The following TNRC6C variants were observed in gnomAD, a reference collection of about 807,000 sequenced individuals.
TNRC6C encodes the protein trinucleotide repeat-containing gene 6C protein.
A neutral mutation model predicts 153.7 loss-of-function variants in TNRC6C; 20 were observed. The observed-to-expected ratio is 0.13, with a 90% CI of 0.09 to 0.19. The LOEUF (loss-of-function observed/expected upper bound fraction) is 0.19. Among genes scored for constraint, TNRC6C ranks in the 10% least tolerant of loss-of-function variants. The probability of loss-of-function intolerance (pLI) is 1.00; values close to 1 mark genes in which losing one functional copy is unlikely to be tolerated. For missense variants in TNRC6C, 1,987 were observed against 2,172.0 expected, an observed-to-expected ratio of 0.91 and a Z score of 1.69; for synonymous variants, 811 against 841.4, an observed-to-expected ratio of 0.96 and a Z score of 0.63.
In TNRC6C at chr17:78,108,292, T is replaced by C. The variant is rs76171073; in HGVS notation, c.*3447T>C. 675 of 154,556 alleles carry C rather than the reference T, an allele frequency of 4.4e-3. 3 individuals are homozygous for C. The highest frequency in any genetic ancestry group is 0.015 in the African/African-American group (637 of 41,614). 9.6% of individuals were successfully genotyped at this position (154,556 alleles called of 1,614,324 possible). The stretch of plus-strand genomic sequence containing the variant: ...GGGGAAGGTGGTGTGCTGCTGGCTC[T>C]GACCATACTCTTTTGGAAATTGAGA... On this transcript the variant is annotated 3_prime_UTR_variant, in exon 20 of 20. Coordinates refer to ENST00000301624, the Ensembl canonical transcript of TNRC6C.
At chr17:78,089,988 G>C (rs781126271) in intron 13 of TNRC6C, among the ~76,000 whole-genome samples, 1 of 152,190 alleles carries the variant, frequency 6.6e-6, no homozygotes, top group African/African-American at 2.4e-5. Context: ...CTGAAGGCCA[G>C]GTTGAAGCCC....
At position 78,028,615 on chromosome 17, in the gene TNRC6C, A is replaced by C. The variant is rs535781553; in HGVS notation, c.-545-2901A>C. Among the ~76,000 whole-genome samples the C allele has an allele frequency of 1.4e-4, 22 of 152,346 alleles. No individual in the cohort carries two copies. In the East Asian group the frequency reaches 4.2e-3, roughly 29 times the overall value. ...TGTAGCGTTCACATGGTAGATGGCC[A>C]AGTCCATGTTGAGAGACAAAAACTG... On this transcript the variant is annotated intron_variant, in intron 1 of 19. Coordinates refer to ENST00000301624, the Ensembl canonical transcript of TNRC6C.
intron 17 of TNRC6C, among the ~76,000 whole-genome samples, chr17:78,101,383 GTC>G (rs1344020226): frequency 6.6e-6 from 1 of 152,150 alleles, no homozygotes; most frequent in Non-Finnish European, 1.5e-5. Context: ...CATTTCACAA[GTC>G]TCTAGGAAGT....
exon 14 of TNRC6C, chr17:78,091,582 C>T (rs369444379): frequency 2.5e-6 from 4 of 1,575,058 alleles, no homozygotes; most frequent in African/African-American, 1.4e-5. Context: ...CCGCTTCCCC[C>T]CTGGAGCAGA....
At chr17:78,001,126 A>G (rs570819878), upstream of TNRC6C, among the ~76,000 whole-genome samples, 4 of 152,308 alleles carry the variant, frequency 2.6e-5, no homozygotes, top group East Asian at 7.7e-4. Flanking sequence ...TTCTACCCAG[A>G]GCCTCCTAAT....
chr17:78,001,266 G>T (rs2071407786), upstream of TNRC6C, among the ~76,000 whole-genome samples: 1 of 152,306 alleles, frequency 6.6e-6, no homozygotes, highest in Non-Finnish European at 1.5e-5. Flanking sequence ...TACCATATGA[G>T]GTATAGGTAA....
chr17:77,960,522 C>A (rs1011123133), intron 1 of TNRC6C, among the ~76,000 whole-genome samples: 3 of 152,140 alleles, frequency 2.0e-5, no homozygotes, highest in Non-Finnish European at 4.4e-5. Flanking sequence ...GAGTTGAGAC[C>A]CTGGAAACCT....
At chr17:78,014,078 A>G (rs908116887) in intron 1 of TNRC6C, among the ~76,000 whole-genome samples, 1 of 152,172 alleles carries the variant, frequency 6.6e-6, no homozygotes, top group Non-Finnish European at 1.5e-5. Context: ...ACTTTTGGAG[A>G]GAAAATACCT....
intron 16 of TNRC6C, 122 bp from the exon 19 acceptor site, chr17:78,097,623 G>A (rs1048175806): frequency 4.8e-6 from 3 of 622,882 alleles, no homozygotes; most frequent in African/African-American, 1.9e-5. Context: ...TCATGTTCAG[G>A]CTTCTATTAA....
intron 10 of TNRC6C, among the ~76,000 whole-genome samples, chr17:78,081,036 GT>G (rs2073170079): frequency 6.6e-6 from 1 of 152,182 alleles, no homozygotes; most frequent in Non-Finnish European, 1.5e-5. Context: ...ATTGCTTGCA[GT>G]TCTGGAGGCT....
At chr17:78,086,636 TAGAAG>T in intron 12 of TNRC6C, 50 bp downstream of exon 14, 1 of 1,581,232 alleles carries the variant, frequency 6.3e-7, no homozygotes, top group Non-Finnish European at 8.7e-7. Flanking sequence ...TTTTCCCTGA[TAGAAG>T]AGACGCTAAT....
intron 1 of TNRC6C, among the ~76,000 whole-genome samples, chr17:77,992,872 G>A (rs557004772): frequency 6.6e-6 from 1 of 152,310 alleles, no homozygotes; most frequent in African/African-American, 2.4e-5. Flanking sequence ...GTAAAATAAC[G>A]TGGCAAATTT....
chr17:78,009,847 CT>C (rs1257586883), intron 1 of TNRC6C, among the ~76,000 whole-genome samples: 1 of 152,028 alleles, frequency 6.6e-6, no homozygotes, highest in Non-Finnish European at 1.5e-5. Context: ...GCCACTGCCC[CT>C]GGCCTGAATT....
At position 78,079,937 on chromosome 17, in the gene TNRC6C, G is replaced by A. The variant is rs145181788; in HGVS notation, c.3357+396G>A. On this transcript the variant is annotated intron_variant, in intron 10 of 19. Coordinates refer to ENST00000301624, the Ensembl canonical transcript of TNRC6C. This position sits in a 1 kb window ranked among gnomAD's most constrained non-coding sequence, Gnocchi z 4.3. ...GATTGGTGGGAGAGGAAAGTGACAC[G>A]CTGTAGTATTGCTGAGGATGTAAAA... 6.0e-3 allele frequency among the ~76,000 whole-genome samples: 911 copies of A among 152,286 alleles called. 5 individuals carry two copies. The highest frequency in any genetic ancestry group is 9.9e-3 in the Non-Finnish European group (676 of 68,018).
chr17:78,064,825 A>C (rs575785393), exon 4 of TNRC6C: 3 of 1,613,768 alleles, frequency 1.9e-6, no homozygotes, highest in Non-Finnish European at 1.7e-6. Flanking sequence ...GCACAGCAGC[A>C]TGGGGGAAGC....
intron 1 of TNRC6C, among the ~76,000 whole-genome samples, chr17:77,964,492 C>T (rs1362572068): frequency 6.6e-6 from 1 of 152,162 alleles, no homozygotes; most frequent in Non-Finnish European, 1.5e-5. Context: ...TTATGTGTGC[C>T]TTCTAGCTTA....
At chr17:78,086,708 T>A (rs1480541417) in intron 12 of TNRC6C, 122 bp downstream of exon 14, 64 of 1,562,652 alleles carry the variant, frequency 4.1e-5, no homozygotes, top group Non-Finnish European at 5.3e-5. Context: ...CTTTGAAAAT[T>A]CCTGGGTTCA....
chr17:78,040,209 T>C (rs2072264470), intron 2 of TNRC6C, among the ~76,000 whole-genome samples: 1 of 152,228 alleles, frequency 6.6e-6, no homozygotes, highest in African/African-American at 2.4e-5. Context: ...TGAGTATTAG[T>C]ACGTACAGTG....
At chr17:78,093,191 G>A in intron 15 of TNRC6C, 67 bp downstream of exon 17, 1 of 1,517,260 alleles carries the variant, frequency 6.6e-7, no homozygotes, top group Non-Finnish European at 9.0e-7. Flanking sequence ...TGCAGAGAGT[G>A]ATTAGGCTGA....
Sources: allele counts gnomAD v4.1 joint callset (sites outside exome capture counted in the v4.1 genomes callset), GRCh38; gene constraint gnomAD v4.1.1; non-coding constraint Gnocchi (gnomAD v3.1); transcripts MANE v1.5; gene names NCBI Gene and HGNC (gene_info 2026-07-23, HGNC 2026-07-21).